CNDP2: variants seen among roughly 807,000 people sequenced by gnomAD.
The protein encoded by CNDP2 is cytosolic non-specific dipeptidase.
CNDP2 carries 38 observed loss-of-function variants against 55.0 expected under a neutral mutation model. The ratio of observed to expected loss-of-function variants is 0.69; its 90% CI spans 0.53 to 0.90. The LOEUF (loss-of-function observed/expected upper bound fraction) is 0.90. Ranked by LOEUF, CNDP2 falls within the 40% of genes least tolerant of loss-of-function variation. The probability of loss-of-function intolerance (pLI) is 0.00; values close to 1 mark genes in which losing one functional copy is unlikely to be tolerated. For synonymous variants in CNDP2, 241 were observed against 260.2 expected (o/e 0.93, Z 0.71); for missense variants, 607 against 621.7 (o/e 0.98, Z 0.25).
chr18:74,498,271 T>C (rs1246982656), intron 1 of CNDP2, among the ~76,000 whole-genome samples: 5 of 152,158 alleles, frequency 3.3e-5, no homozygotes, highest in Admixed American at 1.3e-4. Context: ...ACCTAGGCTA[T>C]ATGGTGTAGC....
chr18:74,505,520 G>T (rs997062459), intron 3 of CNDP2, among the ~76,000 whole-genome samples: 4 of 151,672 alleles, frequency 2.6e-5, no homozygotes, highest in Non-Finnish European at 5.9e-5. Flanking sequence ...AATCGCTTGA[G>T]CCTGGGAGGC....
At chr18:74,499,047 T>C (rs1040178439) in intron 1 of CNDP2, among the ~76,000 whole-genome samples, 1 of 152,174 alleles carries the variant, frequency 6.6e-6, no homozygotes, top group Non-Finnish European at 1.5e-5. Context: ...GCTCTTTACC[T>C]GCAGCATGTC....
chr18:74,501,029 G>A (rs2144572179), intron 2 of CNDP2: 1 of 389,432 alleles, frequency 2.6e-6, no homozygotes, highest in South Asian at 9.3e-5. Flanking sequence ...CCCGGGTCCG[G>A]TTTTGGGCCT....
intron 2 of CNDP2, chr18:74,501,046 G>C: frequency 5.3e-6 from 3 of 565,514 alleles, no homozygotes; most frequent in African/African-American, 4.0e-5. Context: ...GCCTGGCGCC[G>C]GGCTGCCTGT....
chr18:74,522,944 C>T lies in CNDP2; in HGVS notation c.*2876C>T, dbSNP rs145777445. 9.2e-5 allele frequency: 14 copies of T among 152,398 alleles called. No homozygotes were observed. The highest frequency in any genetic ancestry group is 2.4e-4 in the African/African-American group (10 of 41,574). The allele number at this position is 152,398 out of a possible 1,614,324, so 9.4% of individuals were successfully genotyped here. ...GAAGTGCTAGCGGAGGGTGATCTCC[C>T]GGAGGAAATCAGAGTGGTGTTCTAC... On this transcript the variant is annotated 3_prime_UTR_variant, in exon 12 of 12. Transcript: ENST00000324262.
At chr18:74,496,785 G>A (rs1200438522) in intron 1 of CNDP2, among the ~76,000 whole-genome samples, 2 of 152,174 alleles carry the variant, frequency 1.3e-5, no homozygotes, top group African/African-American at 4.8e-5. Flanking sequence ...GTTGGAGATG[G>A]GGTTGCGGGG....
intron 3 of CNDP2, chr18:74,505,012 G>C (rs529877556): frequency 6.6e-6 from 1 of 152,332 alleles, no homozygotes; most frequent in Non-Finnish European, 1.5e-5. Context: ...TGGGATTGTG[G>C]AATATTGGTA....
rs751428124 is a variant in CNDP2, at chr18:74,499,944, G to C, written c.-30G>C. 6.2e-7 allele frequency: 1 copy of C among 1,611,174 alleles called. No homozygotes were observed. Among genetic ancestry groups the C allele is most frequent in the Non-Finnish European group, 8.5e-7 (1 of 1,177,546 alleles). ...GTTGCTCTTCCTTCCAAGAACCTTC[G>C]AGATCTGCGGTCTGGGGTCTGGTTG... On this transcript the variant is annotated 5_prime_UTR_variant, in exon 2 of 12. Transcript: ENST00000324262.
chr18:74,510,759 T>C lies in CNDP2; in HGVS notation c.457-54T>C, dbSNP rs767497569. ...AATATGTAATCCTGAGTGTGGCTTC[T>C]AGAAGGAAGGTTCGCAAAGCTGAAT... On this transcript the variant is annotated intron_variant, in intron 5 of 11. Coordinates refer to ENST00000324262, the MANE Select transcript of CNDP2 (RefSeq NM_018235.3). 8.5e-5 allele frequency: 126 copies of C among 1,477,264 alleles called. No individual in the cohort carries two copies. The East Asian group carries it at 1.8e-3, about 21-fold the overall frequency. 91.5% of individuals were successfully genotyped at this position (1,477,264 alleles called of 1,614,324 possible).
chr18:74,512,356 C>G (rs1979399761), intron 6 of CNDP2, 92 bp from the exon 7 acceptor site: 2 of 1,152,216 alleles, frequency 1.7e-6, no homozygotes, highest in African/African-American at 1.6e-5. Flanking sequence ...AATTGTCAGG[C>G]CTTGTAAATG....
intron 3 of CNDP2, among the ~76,000 whole-genome samples, chr18:74,502,163 G>A (rs1371450392): frequency 6.6e-6 from 1 of 152,178 alleles, no homozygotes; most frequent in Non-Finnish European, 1.5e-5. Context: ...TAGGATTACA[G>A]GTGTGAGCCA....
intron 3 of CNDP2, 135 bp downstream of exon 3, chr18:74,501,607 T>C: frequency 1.2e-5 from 14 of 1,147,056 alleles, no homozygotes; most frequent in Non-Finnish European, 1.7e-5. Flanking sequence ...AGGAAGGGCC[T>C]GATTTGGATG....
chr18:74,510,523 G>A (rs1490483575), intron 5 of CNDP2, among the ~76,000 whole-genome samples: 5 of 152,306 alleles, frequency 3.3e-5, no homozygotes, highest in South Asian at 2.1e-4. Flanking sequence ...GGTGTTCCTC[G>A]TGTCGTGGCC....
chr18:74,503,056 T>G (rs2144577555), intron 3 of CNDP2, among the ~76,000 whole-genome samples: 1 of 143,558 alleles, frequency 7.0e-6, no homozygotes, highest in Non-Finnish European at 1.5e-5. Context: ...AGGGTCAGAC[T>G]CACCTTGCTC....
Position 74,508,943 on chromosome 18 carries a change from C to T in CNDP2, c.456+15C>T. 1 of 1,610,038 alleles carries T rather than the reference C, an allele frequency of 6.2e-7. No individual in the cohort carries two copies. The highest frequency in any genetic ancestry group is 8.5e-7 in the Non-Finnish European group (1 of 1,176,748). ...AAACAGGCCAGGTATGCCCCCCACG[C>T]TGACTTCTGCCTGAGTCCTGGGTTC... On this transcript the variant is annotated intron_variant, in intron 5 of 11. Coordinates refer to ENST00000324262, the MANE Select transcript of CNDP2 (RefSeq NM_018235.3).
chr18:74,519,990 C>G lies in CNDP2; in HGVS notation c.1359-9C>G. The G allele has an allele frequency of 6.2e-7, 1 of 1,613,512 alleles. No individual in the cohort carries two copies. The highest frequency in any genetic ancestry group is 8.5e-7 in the Non-Finnish European group (1 of 1,179,712). ...CCAGCCAACACAATGATGTGTTCCT[C>G]TCTACCAGGTATAACTACATAGAGG... On this transcript the variant is annotated splice_polypyrimidine_tract_variant and intron_variant, in intron 11 of 11. Coordinates refer to ENST00000324262, the MANE Select transcript of CNDP2 (RefSeq NM_018235.3).
chr18:74,497,062 GT>G (rs1978455570), intron 1 of CNDP2, among the ~76,000 whole-genome samples: 1 of 152,150 alleles, frequency 6.6e-6, no homozygotes, highest in Non-Finnish European at 1.5e-5. Context: ...ATTGGCTTCA[GT>G]TTCCTCATCT....
At chr18:74,518,759 T>C in intron 10 of CNDP2, 119 bp downstream of exon 10, 1 of 1,465,720 alleles carries the variant, frequency 6.8e-7, no homozygotes, top group Admixed American at 1.8e-5. Context: ...TGGGGGCGTG[T>C]AGTTAAGTCA....
rs1275312751 is a variant in CNDP2 at position 74,513,666 on chromosome 18, A to G, written c.850A>G (p.Ile284Val). ...GCTGTACGACGACATCGACTTTGACATAGAGGAGTTTGCCAAGGATGTGGG... is the reference window on the plus strand; with the variant it reads ...GCTGTACGACGACATCGACTTTGACGTAGAGGAGTTTGCCAAGGATGTGGG... ...HKLYDDIDFD[I>V]EEFAKDVGAQ... The change falls in exon 8 of 12, where the codon ATA (isoleucine) becomes GTA (valine). Residue 284 changes from isoleucine to valine, a missense_variant. Ile to Val is a conservative substitution (Grantham distance 29, BLOSUM62 3). Transcript: ENST00000324262. 2 of 1,614,110 alleles carry G rather than the reference A, an allele frequency of 1.2e-6. No individual in the cohort carries two copies. Among genetic ancestry groups the G allele is most frequent in the Non-Finnish European group, 1.7e-6 (2 of 1,180,014 alleles).
Sources: allele counts gnomAD v4.1 joint callset (sites outside exome capture counted in the v4.1 genomes callset), GRCh38; gene constraint gnomAD v4.1.1; transcripts MANE v1.5; gene names NCBI Gene and HGNC (gene_info 2026-07-23, HGNC 2026-07-21).